NEXN: variants seen among roughly 807,000 people sequenced by gnomAD.
NEXN encodes nexilin F-actin binding protein.
In NEXN, 65 loss-of-function variants were observed where a neutral mutation model predicts 92.6. That is an observed-to-expected ratio of 0.70 (90% confidence interval 0.57 to 0.86). The LOEUF is 0.86. Among genes scored for constraint, NEXN ranks in the 40% least tolerant of loss-of-function variants. The probability of loss-of-function intolerance (pLI) is 0.00; values close to 1 mark genes in which losing one functional copy is unlikely to be tolerated. For synonymous variants in NEXN, 254 were observed against 242.5 expected (o/e 1.05, Z -0.44); for missense variants, 778 against 771.1 (o/e 1.01, Z -0.11).
Position 77,943,697 on chromosome 1 carries a change from T to C in NEXN, c.*868T>C, listed in dbSNP as rs764645449. 4 of 152,060 alleles carry C rather than the reference T, an allele frequency of 2.6e-5. No individual in the cohort carries two copies. The highest frequency in any genetic ancestry group is 4.4e-5 in the Non-Finnish European group (3 of 67,924). 9.4% of individuals were successfully genotyped at this position (152,060 alleles called of 1,614,324 possible). A position where few individuals can be genotyped will look rare whatever the true frequency, so the allele number is the denominator to read the frequency against. ...CACGCAAGAGAAAACACTTTCAACA[T>C]AGTCGAAGGCTTCAAGATCTAAGTG... is the stretch of plus-strand genomic sequence containing the variant. On this transcript the variant is annotated 3_prime_UTR_variant, in exon 13 of 13. Coordinates refer to ENST00000334785, the MANE Select transcript of NEXN (RefSeq NM_144573.4).
At chr1:77,925,124 GTTGT>G in intron 5 of NEXN, 60 bp from the exon 6 acceptor site, 1 of 1,053,724 alleles carries the variant, frequency 9.5e-7, no homozygotes, top group Non-Finnish European at 1.5e-6. Flanking sequence ...CTTTCCAGTT[GTTGT>G]TTAAAAGCAA....
At chr1:77,925,095 A>G (rs1448821518) in intron 5 of NEXN, 93 bp from the exon 6 acceptor site, 5 of 801,468 alleles carry the variant, frequency 6.2e-6, no homozygotes, top group Middle Eastern at 2.5e-4. Context: ...AAAATTTACT[A>G]TAAGTCACAA....
rs1649859019 is a variant in NEXN, at chr1:77,926,547, AAAG to A, written c.626_628del (p.Arg209del). The A allele has an allele frequency of 6.2e-7, 1 of 1,613,794 alleles. No individual in the cohort carries two copies. The highest frequency in any genetic ancestry group is 8.5e-7 in the Non-Finnish European group (1 of 1,179,914). ...GAAAGGATCAAGTACGAGGAAGATA[AAAG>A]AATAAGATATGAAGAACAACGACCA... On this transcript the variant is annotated inframe_deletion, in exon 7 of 13. Transcript: ENST00000334785.
chr1:77,910,643 C>T (rs894153378), intron 1 of NEXN, among the ~76,000 whole-genome samples: 4 of 147,318 alleles, frequency 2.7e-5, no homozygotes, highest in South Asian at 4.3e-4. Flanking sequence ...CCCAGCTACT[C>T]GGGAGGCTGA....
At chr1:77,933,187 CA>C in intron 9 of NEXN, 94 bp from the exon 10 acceptor site, 1 of 879,790 alleles carries the variant, frequency 1.1e-6, no homozygotes, top group Non-Finnish European at 1.8e-6. Context: ...AAACTAAAAA[CA>C]AACAAAAAAA....
At chr1:77,927,053 T>G (rs1208481474) in intron 8 of NEXN, among the ~76,000 whole-genome samples, 161 bp downstream of exon 8, 1 of 152,178 alleles carries the variant, frequency 6.6e-6, no homozygotes, top group Non-Finnish European at 1.5e-5. Context: ...CTAGGCACGG[T>G]GGCTCATGCT....
chr1:77,927,828 C>G (rs1649985325), intron 8 of NEXN, among the ~76,000 whole-genome samples: 1 of 150,600 alleles, frequency 6.6e-6, no homozygotes, highest in South Asian at 2.1e-4. Context: ...TCCACAATGA[C>G]TTGGATTTTT....
intron 1 of NEXN, among the ~76,000 whole-genome samples, chr1:77,910,767 A>G (rs1192667290): frequency 6.6e-6 from 1 of 151,754 alleles, no homozygotes; most frequent in Admixed American, 6.6e-5. Context: ...AAAAAAAAAA[A>G]AAAACTAATA....
At chr1:77,924,807 G>A (rs1293423194) in intron 5 of NEXN, among the ~76,000 whole-genome samples, 5 of 151,982 alleles carry the variant, frequency 3.3e-5, no homozygotes, top group African/African-American at 1.2e-4. Context: ...CCACAGGTGC[G>A]TGCCACCATG....
chr1:77,907,875 T>C (rs753859580), intron 1 of NEXN, among the ~76,000 whole-genome samples: 4 of 152,146 alleles, frequency 2.6e-5, no homozygotes, highest in Admixed American at 6.5e-5. Flanking sequence ...TTCTGGCCAA[T>C]TAATTGACCT....
intron 1 of NEXN, among the ~76,000 whole-genome samples, chr1:77,890,929 A>T (rs896439633): frequency 6.6e-6 from 1 of 152,154 alleles, no homozygotes; most frequent in African/African-American, 2.4e-5. Flanking sequence ...GTAGTTTATA[A>T]TTTGGAGAGA....
chr1:77,893,017 C>T (rs899636670), intron 1 of NEXN, among the ~76,000 whole-genome samples: 4 of 152,016 alleles, frequency 2.6e-5, no homozygotes, highest in African/African-American at 9.7e-5. Context: ...CAGACATGCA[C>T]CACCATGCCT....
intron 6 of NEXN, 151 bp from the exon 7 acceptor site, chr1:77,926,263 T>C (rs1352465088): frequency 3.5e-6 from 2 of 567,836 alleles, no homozygotes; most frequent in Non-Finnish European, 3.1e-6. Flanking sequence ...GAATTTAGAG[T>C]AGGAGATATT....
intron 1 of NEXN, among the ~76,000 whole-genome samples, chr1:77,907,971 G>A (rs924764959): frequency 1.3e-5 from 2 of 152,064 alleles, no homozygotes; most frequent in Non-Finnish European, 2.9e-5. Context: ...TGAGAGGCTC[G>A]GGCATGGTTA....
At chr1:77,940,777 T>C (rs1651198456) in intron 11 of NEXN, among the ~76,000 whole-genome samples, 1 of 152,242 alleles carries the variant, frequency 6.6e-6, no homozygotes, top group Non-Finnish European at 1.5e-5. Context: ...TTAACATGTA[T>C]TTTTCTTAGT....
chr1:77,920,559 T>G (rs949151585), intron 5 of NEXN, among the ~76,000 whole-genome samples: 1 of 134,608 alleles, frequency 7.4e-6, no homozygotes, highest in African/African-American at 2.9e-5. Context: ...AGTTTCAGGA[T>G]GCAGTGAGCT....
intron 11 of NEXN, 178 bp from the exon 12 acceptor site, chr1:77,941,845 G>C (rs983931413): frequency 8.2e-5 from 50 of 610,136 alleles, no homozygotes; most frequent in African/African-American, 3.5e-4. Flanking sequence ...CTTCATAAAT[G>C]TATCTATCAC....
At chr1:77,921,167 G>GAC (rs1291265559) in intron 5 of NEXN, among the ~76,000 whole-genome samples, 5 of 152,112 alleles carry the variant, frequency 3.3e-5, no homozygotes, top group Non-Finnish European at 7.4e-5. Flanking sequence ...AACATAGTGA[G>GAC]ACCTCAGCTC....
At chr1:77,925,923 T>C (rs1321033694) in intron 6 of NEXN, among the ~76,000 whole-genome samples, 2 of 152,056 alleles carry the variant, frequency 1.3e-5, no homozygotes, top group Non-Finnish European at 2.9e-5. Flanking sequence ...TTATCTATAA[T>C]ATATATAAAT....
Sources: gnomAD v4.1 joint callset for allele counts (sites outside exome capture counted in the v4.1 genomes callset) on GRCh38, gnomAD v4.1.1 for gene constraint, MANE v1.5 for transcripts, NCBI Gene and HGNC (gene_info 2026-07-23, HGNC 2026-07-21) for gene names.